Variants in DENND1A observed in about 807,000 individuals in gnomAD.
DENND1A encodes the protein DENN domain-containing protein 1A.
DENND1A carries 51 observed loss-of-function variants against 113.7 expected under a neutral mutation model. That is an observed-to-expected ratio of 0.45 (90% CI 0.36 to 0.57). The LOEUF is 0.57. DENND1A is among the 20% of genes least tolerant of loss of function. The pLI is 0.00. For missense variants in DENND1A, 1,258 were observed against 1,395.9 expected, an observed-to-expected ratio of 0.90 and a Z score of 1.57; for synonymous variants, 565 against 570.8, an observed-to-expected ratio of 0.99 and a Z score of 0.14.
intron 1 of DENND1A, among the ~76,000 whole-genome samples, chr9:123,913,933 G>C (rs889639485): frequency 1.3e-5 from 2 of 151,130 alleles, no homozygotes; most frequent in African/African-American, 4.9e-5. Context: ...AGCCAGATAT[G>C]GACCTTTATT....
chr9:123,819,872 T>G (rs1342416789), intron 2 of DENND1A, among the ~76,000 whole-genome samples: 1 of 152,230 alleles, frequency 6.6e-6, no homozygotes, highest in Non-Finnish European at 1.5e-5. Context: ...CTCTTTTACT[T>G]TTCTGAATTT....
chr9:123,895,621 CAAAAAAAA>C (rs541744618), intron 1 of DENND1A, among the ~76,000 whole-genome samples: 1 of 108,310 alleles, frequency 9.2e-6, no homozygotes, highest in Non-Finnish European at 2.0e-5. Flanking sequence ...GACTCTGACT[CAAAAAAAA>C]AAAAAGAAAA....
chr9:123,434,828 A>C (rs1026112398), intron 19 of DENND1A, among the ~76,000 whole-genome samples: 5 of 152,174 alleles, frequency 3.3e-5, no homozygotes, highest in African/African-American at 4.8e-5. Context: ...CAGTAAGTGC[A>C]TGCTTACAGT....
chr9:123,656,963 C>T (rs1433831903), intron 8 of DENND1A, among the ~76,000 whole-genome samples: 1 of 152,188 alleles, frequency 6.6e-6, no homozygotes, highest in Non-Finnish European at 1.5e-5. Flanking sequence ...ATTTATGTCC[C>T]CATGAGCATG....
intron 2 of DENND1A, among the ~76,000 whole-genome samples, chr9:123,794,185 C>T (rs1833433682): frequency 6.6e-6 from 1 of 152,096 alleles, no homozygotes; most frequent in Admixed American, 6.6e-5. Context: ...AGGAAAAGGA[C>T]TAGGCTGGCG....
intron 5 of DENND1A, among the ~76,000 whole-genome samples, chr9:123,721,589 C>G (rs1005869873): frequency 1.3e-5 from 2 of 152,230 alleles, no homozygotes; most frequent in Non-Finnish European, 2.9e-5. Flanking sequence ...TCCCATATGT[C>G]GTGGGAGCAA....
chr9:123,442,253 G>C (rs2046982076), intron 18 of DENND1A, among the ~76,000 whole-genome samples: 1 of 152,174 alleles, frequency 6.6e-6, no homozygotes, highest in African/African-American at 2.4e-5. Flanking sequence ...AACAAAGGGA[G>C]ATGATGACCT....
intron 2 of DENND1A, among the ~76,000 whole-genome samples, chr9:123,814,129 A>G (rs1326833605): frequency 6.6e-6 from 1 of 152,210 alleles, no homozygotes; most frequent in Non-Finnish European, 1.5e-5. Flanking sequence ...TGTTCTCTTG[A>G]AAAAGAACAC....
At chr9:123,588,740 C>T (rs1467784061) in intron 11 of DENND1A, among the ~76,000 whole-genome samples, 1 of 150,560 alleles carries the variant, frequency 6.6e-6, no homozygotes, top group African/African-American at 2.4e-5. Flanking sequence ...TCCCTTCCTA[C>T]GTGTTAAAGC....
At position 123,553,411 on chromosome 9, in the gene DENND1A, G is replaced by A. The variant is rs909819126; in HGVS notation, c.993+4159C>T. On this transcript the variant is annotated intron_variant, in intron 13 of 23. Coordinates refer to ENST00000394215, the MANE Select transcript of DENND1A (RefSeq NM_001352964.2). ...CCTTTTTAAAAGCCGCCCCCCCCCC[G>A]CTCCTCATCCCTCCGTGATTCTGAT... is the stretch of plus-strand genomic sequence containing the variant. Among the ~76,000 whole-genome samples the A allele has an allele frequency of 1.3e-4, 14 of 107,506 alleles. No homozygotes were observed. The South Asian group carries it at 2.0e-3, about 16-fold the overall frequency. 70.5% of individuals were successfully genotyped at this position (107,506 alleles called of 152,430 possible). A position where few individuals can be genotyped will look rare whatever the true frequency, so the allele number is the denominator to read the frequency against.
intron 21 of DENND1A, among the ~76,000 whole-genome samples, chr9:123,392,334 C>T (rs928610974): frequency 1.3e-5 from 2 of 152,146 alleles, no homozygotes; most frequent in African/African-American, 2.4e-5. Flanking sequence ...ATTTAATTGA[C>T]ATTTAAATGT....
At chr9:123,515,186 G>C (rs572932693) in intron 13 of DENND1A, among the ~76,000 whole-genome samples, 9 of 152,350 alleles carry the variant, frequency 5.9e-5, no homozygotes, top group African/African-American at 1.9e-4. Context: ...AAGCAAGAAA[G>C]ATGATTAGAA....
chr9:123,457,610 G>A (rs1460563833), intron 14 of DENND1A, among the ~76,000 whole-genome samples, 175 bp from the exon 15 acceptor site: 2 of 152,210 alleles, frequency 1.3e-5, no homozygotes, highest in Non-Finnish European at 2.9e-5. Context: ...AAACCACACG[G>A]CAGATTTGCA....
chr9:123,711,112 A>G (rs533201658), intron 5 of DENND1A, among the ~76,000 whole-genome samples: 12 of 152,304 alleles, frequency 7.9e-5, no homozygotes, highest in Admixed American at 5.9e-4. Context: ...TCTACAATAT[A>G]TACATGTATC....
intron 1 of DENND1A, chr9:123,928,690 G>C (rs756010539): frequency 2.0e-6 from 2 of 985,266 alleles, no homozygotes; most frequent in Non-Finnish European, 2.4e-6. Flanking sequence ...TAACCACACG[G>C]GGGACTGCAA....
At chr9:123,399,039 G>A (rs925986810) in intron 21 of DENND1A, among the ~76,000 whole-genome samples, 72 of 151,662 alleles carry the variant, frequency 4.7e-4, no homozygotes, top group African/African-American at 1.7e-3. Flanking sequence ...CAAGTGACCC[G>A]CCCGCCTCGG....
chr9:123,635,653 C>A (rs2061667077), intron 9 of DENND1A, among the ~76,000 whole-genome samples: 1 of 152,200 alleles, frequency 6.6e-6, no homozygotes, highest in South Asian at 2.1e-4. Context: ...AAACACAGAT[C>A]TGATCATTTC....
chr9:123,504,600 G>A (rs1372978613), intron 13 of DENND1A, among the ~76,000 whole-genome samples: 1 of 152,196 alleles, frequency 6.6e-6, no homozygotes, highest in Non-Finnish European at 1.5e-5. Context: ...AGAACATCAT[G>A]TACTTTCTGC....
intron 3 of DENND1A, among the ~76,000 whole-genome samples, chr9:123,786,433 G>A (rs1832187320): frequency 6.6e-6 from 1 of 152,092 alleles, no homozygotes; most frequent in South Asian, 2.1e-4. Context: ...AAGTGTTGTG[G>A]CCATGCCATT....
Sources: allele counts gnomAD v4.1 joint callset (sites outside exome capture counted in the v4.1 genomes callset), GRCh38; gene constraint gnomAD v4.1.1; transcripts MANE v1.5; gene names NCBI Gene and HGNC (gene_info 2026-07-23, HGNC 2026-07-21).